GATAD2B: variants seen among roughly 807,000 people sequenced by gnomAD.
The protein encoded by GATAD2B is GATA zinc finger domain containing 2B, also known as transcriptional repressor p66-beta.
In GATAD2B, 8 loss-of-function variants were observed where a neutral mutation model predicts 64.3. The ratio of observed to expected loss-of-function variants is 0.12; its 90% CI spans 0.07 to 0.22. GATAD2B has a LOEUF of 0.22. Among genes scored for constraint, GATAD2B ranks in the 10% least tolerant of loss-of-function variants. The pLI, the probability that GATAD2B is intolerant of heterozygous loss-of-function variation, is 1.00. For missense variants in GATAD2B, 453 were observed against 752.0 expected, an observed-to-expected ratio of 0.60 and a Z score of 4.65; for synonymous variants, 281 against 271.3, an observed-to-expected ratio of 1.04 and a Z score of -0.35.
rs544722650 is a variant in GATAD2B at position 153,911,603 on chromosome 1, G to A, written c.-2+11130C>T. ...TACAAAAAATCAGCCGGGCATGGTG[G>A]TAGGCGCCTGTAATCCCAGCTACTC... On this transcript the variant is annotated intron_variant, in intron 1 of 10. Transcript: ENST00000368655. 2.1e-4 allele frequency among the ~76,000 whole-genome samples: 32 copies of A among 152,234 alleles called. 1 individual carries two copies. The highest frequency in any genetic ancestry group is 7.7e-4 in the African/African-American group (32 of 41,554).
intron 1 of GATAD2B, among the ~76,000 whole-genome samples, chr1:153,841,003 T>C (rs1038154696): frequency 2.6e-5 from 4 of 151,304 alleles, no homozygotes; most frequent in Non-Finnish European, 5.9e-5. Context: ...CATGTGCCTG[T>C]AGTCTGAGCT....
At chr1:153,823,476 ATTATG>A (rs1306807308) in intron 2 of GATAD2B, among the ~76,000 whole-genome samples, 2 of 152,208 alleles carry the variant, frequency 1.3e-5, no homozygotes, top group African/African-American at 2.4e-5. Flanking sequence ...TGACATGGCT[ATTATG>A]TTAAGAACTT....
At chr1:153,917,334 G>A (rs1417697412) in intron 1 of GATAD2B, among the ~76,000 whole-genome samples, 1 of 150,854 alleles carries the variant, frequency 6.6e-6, no homozygotes, top group Non-Finnish European at 1.5e-5. Context: ...CTGACCTCAT[G>A]ATACACCCGC....
chr1:153,831,082 A>G (rs1675063632), intron 1 of GATAD2B, among the ~76,000 whole-genome samples: 1 of 152,174 alleles, frequency 6.6e-6, no homozygotes, highest in Non-Finnish European at 1.5e-5. Flanking sequence ...TAAAAGTCAC[A>G]ACCCAAACTT....
At chr1:153,828,426 G>T in intron 1 of GATAD2B, 78 bp from the exon 2 acceptor site, 10 of 928,388 alleles carry the variant, frequency 1.1e-5, no homozygotes, top group South Asian at 1.6e-5. Context: ...GAATGGTGAA[G>T]TTATTAACAA....
chr1:153,863,418 C>T (rs1275259038), intron 1 of GATAD2B, among the ~76,000 whole-genome samples: 1 of 151,310 alleles, frequency 6.6e-6, no homozygotes, highest in Non-Finnish European at 1.5e-5. Context: ...ATCACTTGAA[C>T]CCAGGAGGTG....
chr1:153,906,636 GA>G (rs374312377), intron 1 of GATAD2B, among the ~76,000 whole-genome samples: 2 of 148,992 alleles, frequency 1.3e-5, no homozygotes, highest in African/African-American at 2.5e-5. Context: ...GGCAAAAAAG[GA>G]AAAAAAAACA....
intron 1 of GATAD2B, among the ~76,000 whole-genome samples, chr1:153,839,154 T>C (rs897852407): frequency 7.6e-6 from 1 of 130,752 alleles, no homozygotes; most frequent in African/African-American, 3.1e-5. Context: ...AGGAAGAGAG[T>C]AGTTGTGTCA....
At chr1:153,917,326 G>C (rs1678302380) in intron 1 of GATAD2B, among the ~76,000 whole-genome samples, 1 of 151,432 alleles carries the variant, frequency 6.6e-6, no homozygotes, top group Non-Finnish European at 1.5e-5. Flanking sequence ...TTGAACTCCT[G>C]ACCTCATGAT....
intron 1 of GATAD2B, among the ~76,000 whole-genome samples, chr1:153,913,275 A>T (rs1275440033): frequency 6.6e-6 from 1 of 152,016 alleles, no homozygotes; most frequent in Non-Finnish European, 1.5e-5. Context: ...CCTACATATA[A>T]ACTTTTAAAG....
At chr1:153,882,006 G>A (rs1677026296) in intron 1 of GATAD2B, among the ~76,000 whole-genome samples, 1 of 152,124 alleles carries the variant, frequency 6.6e-6, no homozygotes, top group South Asian at 2.1e-4. Flanking sequence ...GAAACAGGGG[G>A]ATGCTTACTT....
At chr1:153,853,058 A>G in intron 1 of GATAD2B, 2 of 1,506,184 alleles carry the variant, frequency 1.3e-6, no homozygotes, top group Non-Finnish European at 1.8e-6. Flanking sequence ...TAGTCGTCAC[A>G]GCATCTTTTG....
At chr1:153,823,661 T>C (rs1674761569) in intron 2 of GATAD2B, among the ~76,000 whole-genome samples, 1 of 151,744 alleles carries the variant, frequency 6.6e-6, no homozygotes, top group African/African-American at 2.4e-5. Context: ...TTTCCTCTTT[T>C]TATCACTATC....
intron 1 of GATAD2B, among the ~76,000 whole-genome samples, chr1:153,917,399 C>CTT (rs1368509368): frequency 2.5e-5 from 3 of 119,742 alleles, no homozygotes; most frequent in African/African-American, 9.5e-5. Context: ...CCCCACATAT[C>CTT]TTTTTTTTTT....
At position 153,844,012 on chromosome 1, in the gene GATAD2B, AGAAAC is replaced by A. The variant is rs532395732; in HGVS notation, c.-1-15669_-1-15665del. Among the ~76,000 whole-genome samples the A allele has an allele frequency of 9.8e-4, 149 of 152,272 alleles. 2 individuals carry two copies. The highest frequency in any genetic ancestry group is 9.6e-4 in the East Asian group (5 of 5,182). On this transcript the variant is annotated intron_variant, in intron 1 of 10. Transcript: ENST00000368655. ...GGGAGGGAGATTGAGGCACAGCCTG[AGAAAC>A]TCCTGAGTTGAAGAGATGGAGCAGA... is the stretch of plus-strand genomic sequence containing the variant.
intron 2 of GATAD2B, among the ~76,000 whole-genome samples, chr1:153,823,313 A>C (rs1674748967): frequency 6.6e-6 from 1 of 152,192 alleles, no homozygotes; most frequent in Admixed American, 6.5e-5. Flanking sequence ...TAAAGCTCCT[A>C]ATCCTTATCC....
intron 1 of GATAD2B, among the ~76,000 whole-genome samples, chr1:153,909,025 A>C (rs1353583304): frequency 6.6e-6 from 1 of 151,844 alleles, no homozygotes; most frequent in Non-Finnish European, 1.5e-5. Context: ...ACACAGCGAG[A>C]TTCCCATCCC....
intron 1 of GATAD2B, among the ~76,000 whole-genome samples, chr1:153,833,708 G>C (rs1675155406): frequency 6.6e-6 from 1 of 151,630 alleles, no homozygotes; most frequent in Non-Finnish European, 1.5e-5. Flanking sequence ...TACATGGGAG[G>C]GTGAGGCAGG....
At chr1:153,895,239 T>C (rs1413670086) in intron 1 of GATAD2B, among the ~76,000 whole-genome samples, 1 of 150,004 alleles carries the variant, frequency 6.7e-6, no homozygotes, top group Non-Finnish European at 1.5e-5. Flanking sequence ...GGCTGAAGCA[T>C]GAGAGAATCA....
Sources: gnomAD v4.1 joint callset for allele counts (sites outside exome capture counted in the v4.1 genomes callset) on GRCh38, gnomAD v4.1.1 for gene constraint, MANE v1.5 for transcripts, NCBI Gene and HGNC (gene_info 2026-07-23, HGNC 2026-07-21) for gene names.